The following ITGA3 variants were observed in gnomAD, a reference collection of about 807,000 sequenced individuals.
ITGA3 encodes integrin subunit alpha 3.
Under a neutral mutation model 131.1 loss-of-function variants are expected in ITGA3, and 70 were observed. The observed-to-expected ratio is 0.53, with a 90% confidence interval of 0.44 to 0.65. The LOEUF (loss-of-function observed/expected upper bound fraction) is 0.65, where lower values mean the gene tolerates loss of function less well. Among genes scored for constraint, ITGA3 ranks in the 30% least tolerant of loss-of-function variants. The pLI, the probability that ITGA3 is intolerant of heterozygous loss-of-function variation, is 0.00. For synonymous variants in ITGA3, 537 were observed against 571.6 expected (o/e 0.94, Z 0.86); for missense variants, 1,098 against 1,388.6 (o/e 0.79, Z 3.33).
At chr17:50,075,373 T>C in intron 10 of ITGA3, 86 bp from the exon 11 acceptor site, 1 of 1,405,920 alleles carries the variant, frequency 7.1e-7, no homozygotes, top group Non-Finnish European at 1.0e-6. Flanking sequence ...GGCCTCGGTT[T>C]CCTTTTGCCC....
intron 4 of ITGA3, among the ~76,000 whole-genome samples, 189 bp from the exon 5 acceptor site, chr17:50,070,655 A>G: frequency 9.6e-6 from 1 of 104,684 alleles, no homozygotes. Context: ...AAAAAAAAAA[A>G]AAAAAAAAAA....
At chr17:50,067,296 G>A (rs191886657) in intron 3 of ITGA3, among the ~76,000 whole-genome samples, 32 of 152,330 alleles carry the variant, frequency 2.1e-4, no homozygotes, top group African/African-American at 7.0e-4. Context: ...GCTGTTTTAA[G>A]TCACCCTATT....
At chr17:50,065,245 A>G (rs1243715244) in intron 3 of ITGA3, 2 of 152,210 alleles carry the variant, frequency 1.3e-5, no homozygotes, top group African/African-American at 4.8e-5. Flanking sequence ...TGCTCATATG[A>G]TGCCACCAGG....
In ITGA3 at chr17:50,089,173, C is replaced by T. The variant is rs757016367; in HGVS notation, c.*95C>T. The stretch of plus-strand genomic sequence containing the variant: ...GCCCAAGTACCACGCAGTGCGGATC[C>T]GGGAGGAGGAGCGCTACCCACCTCC... On this transcript the variant is annotated 3_prime_UTR_variant, in exon 26 of 26. Coordinates refer to ENST00000320031, the MANE Select transcript of ITGA3 (RefSeq NM_002204.4). The T allele has an allele frequency of 2.5e-5, 40 of 1,613,402 alleles. 1 individual carries two copies. The highest frequency in any genetic ancestry group is 1.8e-4 in the South Asian group (16 of 91,056).
chr17:50,081,155 T>C, intron 22 of ITGA3, 155 bp from the exon 23 acceptor site: 1 of 595,016 alleles, frequency 1.7e-6, no homozygotes, highest in Non-Finnish European at 3.0e-6. Flanking sequence ...GATGCGCATT[T>C]GTGTGTGGAG....
In ITGA3 at chr17:50,085,871, T is replaced by A. The variant is rs867063868; in HGVS notation, c.2920-1873T>A. 1.7e-3 allele frequency among the ~76,000 whole-genome samples: 187 copies of A among 108,502 alleles called. 2 individuals carry two copies. The highest frequency in any genetic ancestry group is 0.011 in the Middle Eastern group (2 of 188). 71.2% of individuals were successfully genotyped at this position (108,502 alleles called of 152,430 possible). On this transcript the variant is annotated intron_variant, in intron 23 of 25. Coordinates refer to ENST00000320031, the MANE Select transcript of ITGA3 (RefSeq NM_002204.4). ...TTTATAATGTATATTAGATTATACATTATAGATTTATAATGTATATTAGAT... is the reference window on the plus strand; with the variant it reads ...TTTATAATGTATATTAGATTATACAATATAGATTTATAATGTATATTAGAT...
rs773739927 is a variant in ITGA3, at chr17:50,072,068, C to A, written c.1042C>A (p.Gln348Lys). 6.2e-7 allele frequency: 1 copy of A among 1,614,092 alleles called. No individual in the cohort carries two copies. Among genetic ancestry groups the A allele is most frequent in the South Asian group, 1.1e-5 (1 of 91,090 alleles). ...VGGAIYVFMN[Q>K]AGTSFPAHPS... Reference sequence around the variant, plus strand: ...GGGTGCCATCTATGTCTTCATGAACCAGGCGGGAACCTCCTTCCCTGCTCA... The same window carrying A: ...GGGTGCCATCTATGTCTTCATGAACAAGGCGGGAACCTCCTTCCCTGCTCA... Residue 348 changes from glutamine to lysine, a missense_variant, in exon 7 of 26, where the codon CAG becomes AAG. Coordinates refer to ENST00000320031, the MANE Select transcript of ITGA3 (RefSeq NM_002204.4).
At chr17:50,063,950 C>A in intron 1 of ITGA3, 127 bp from the exon 2 acceptor site, 1 of 1,344,964 alleles carries the variant, frequency 7.4e-7, no homozygotes, top group Non-Finnish European at 1.0e-6. Flanking sequence ...CTGGGCACTT[C>A]TGGAGGGCAG....
At chr17:50,061,406 C>G (rs1908070612) in intron 1 of ITGA3, among the ~76,000 whole-genome samples, 1 of 152,104 alleles carries the variant, frequency 6.6e-6, no homozygotes, top group African/African-American at 2.4e-5. Flanking sequence ...GCATGGAGAC[C>G]CTTTTGCTCA....
intron 1 of ITGA3, among the ~76,000 whole-genome samples, chr17:50,061,901 G>A (rs926216420): frequency 1.1e-4 from 16 of 152,036 alleles, no homozygotes; most frequent in Admixed American, 3.3e-4. Flanking sequence ...TTAGCTGGGC[G>A]TGGTGGTGCA....
chr17:50,080,463 G>GGTGTGGGTGT (rs1909139098), intron 22 of ITGA3, 88 bp downstream of exon 22: 2 of 461,032 alleles, frequency 4.3e-6, no homozygotes, highest in African/African-American at 5.0e-5. Flanking sequence ...TCATAGCATG[G>GGTGTGGGTGT]GTGTGTGTGT....
chr17:50,062,432 G>A (rs1908132602), intron 1 of ITGA3, among the ~76,000 whole-genome samples: 1 of 152,194 alleles, frequency 6.6e-6, no homozygotes, highest in Admixed American at 6.5e-5. Flanking sequence ...TCAGGCAGTG[G>A]ACTCATCGAG....
chr17:50,057,329 G>T (rs1467936218), intron 1 of ITGA3, among the ~76,000 whole-genome samples: 1 of 152,248 alleles, frequency 6.6e-6, no homozygotes, highest in African/African-American at 2.4e-5. Context: ...GCATTCCACA[G>T]ATTCGTGTTG....
At chr17:50,076,845 T>C (rs1186615619) in intron 14 of ITGA3, 129 bp from the exon 15 acceptor site, 1 of 1,207,234 alleles carries the variant, frequency 8.3e-7, no homozygotes, top group Non-Finnish European at 1.2e-6. Context: ...CAGGTGCGAC[T>C]AGAGGACGGG....
chr17:50,062,053 A>AG lies in ITGA3; in HGVS notation c.207-2024_207-2023insG, dbSNP rs1182341972. ...AGACCCTGTCTCAAAAAAAAAAAAAAAAAGAAAGAAAAAAAGAAATTCCTG... is the reference window on the plus strand; with the variant it reads ...AGACCCTGTCTCAAAAAAAAAAAAAAGAAAGAAAGAAAAAAAGAAATTCCTG... On this transcript the variant is annotated intron_variant, in intron 1 of 25. Coordinates refer to ENST00000320031, the MANE Select transcript of ITGA3 (RefSeq NM_002204.4). 4.0e-5 allele frequency among the ~76,000 whole-genome samples: 6 copies of AG among 151,620 alleles called. No homozygotes were observed. In the South Asian group the frequency reaches 1.0e-3, roughly 26 times the overall value.
intron 15 of ITGA3, 68 bp downstream of exon 15, chr17:50,077,189 G>C: frequency 6.8e-7 from 1 of 1,465,210 alleles, no homozygotes; most frequent in Non-Finnish European, 9.2e-7. Flanking sequence ...CCATATCCAT[G>C]TCCTGTGCAG....
In ITGA3 at chr17:50,085,619, G is replaced by C. The variant is rs1303122588; in HGVS notation, c.2920-2125G>C. On this transcript the variant is annotated intron_variant, in intron 23 of 25. Transcript: ENST00000320031. ...GCAGAGGTTGCAGTGAGCCAAGATT[G>C]TGCCCCTGCACTCCAGCCTGGGCAA... Among the ~76,000 whole-genome samples, 4 of 151,376 alleles carry C rather than the reference G, an allele frequency of 2.6e-5. 1 individual carries two copies. Among genetic ancestry groups the C allele is most frequent in the Non-Finnish European group, 5.9e-5 (4 of 67,874 alleles).
Position 50,081,307 on chromosome 17 carries a change from C to A in ITGA3, c.2821-3C>A, listed in dbSNP as rs1230424892. 1.9e-6 allele frequency: 3 copies of A among 1,578,070 alleles called. No individual in the cohort carries two copies. The highest frequency in any genetic ancestry group is 1.7e-6 in the Non-Finnish European group (2 of 1,159,224). ...CCCTTGACCCACCCCACTCCCAATC[C>A]AGGATTACAGAGACTTTGACCGAGT... On this transcript the variant is annotated splice_polypyrimidine_tract_variant and splice_region_variant and intron_variant, in intron 22 of 25. Transcript: ENST00000320031.
At chr17:50,069,181 A>G (rs1395161581) in intron 4 of ITGA3, among the ~76,000 whole-genome samples, 1 of 152,156 alleles carries the variant, frequency 6.6e-6, no homozygotes, top group Non-Finnish European at 1.5e-5. Context: ...TGAGGCAAGT[A>G]TTATTATATC....
Sources: allele counts gnomAD v4.1 joint callset (sites outside exome capture counted in the v4.1 genomes callset), GRCh38; gene constraint gnomAD v4.1.1; transcripts MANE v1.5; gene names NCBI Gene and HGNC (gene_info 2026-07-23, HGNC 2026-07-21).